The following PTPRJ variants were observed in gnomAD, a reference collection of about 807,000 sequenced individuals.
PTPRJ encodes the protein protein tyrosine phosphatase receptor type J.
In PTPRJ, 129 loss-of-function variants were observed where a neutral mutation model predicts 141.3. The observed-to-expected ratio is 0.91, with a 90% CI of 0.79 to 1.06. PTPRJ has a LOEUF of 1.06. Among genes scored for constraint, PTPRJ ranks in the 50% least tolerant of loss-of-function variants. The pLI is 0.00. For missense variants in PTPRJ, 1,601 were observed against 1,679.7 expected (o/e 0.95, Z 0.82); for synonymous variants, 610 against 640.5 (o/e 0.95, Z 0.72).
intron 18 of PTPRJ, among the ~76,000 whole-genome samples, chr11:48,152,456 A>G (rs1237465766): frequency 2.0e-5 from 3 of 151,548 alleles, no homozygotes; most frequent in Non-Finnish European, 4.4e-5. Flanking sequence ...GTTTAATTAG[A>G]TCCAATTTGT....
chr11:48,103,787 C>A (rs1006623782), intron 1 of PTPRJ, among the ~76,000 whole-genome samples: 16 of 152,182 alleles, frequency 1.1e-4, no homozygotes, highest in Admixed American at 7.2e-4. Context: ...AAACTTCTGG[C>A]CTGGGATTTC....
intron 15 of PTPRJ, among the ~76,000 whole-genome samples, chr11:48,147,725 G>T (rs2134372613): frequency 6.6e-6 from 1 of 152,352 alleles, no homozygotes; most frequent in South Asian, 2.1e-4. Context: ...GTAAGGTGCT[G>T]CCAACCAGGG....
At chr11:48,110,638 T>A (rs1856414699) in intron 2 of PTPRJ, among the ~76,000 whole-genome samples, 1 of 152,258 alleles carries the variant, frequency 6.6e-6, no homozygotes, top group African/African-American at 2.4e-5. Flanking sequence ...TTAACTTAGT[T>A]GAAATTGTAA....
intron 1 of PTPRJ, among the ~76,000 whole-genome samples, chr11:48,098,511 T>G (rs1856073004): frequency 2.1e-5 from 1 of 48,724 alleles, no homozygotes. Flanking sequence ...TCAAATCATT[T>G]TATCTCTTTT....
At chr11:48,004,924 A>G (rs1854584742) in intron 1 of PTPRJ, among the ~76,000 whole-genome samples, 1 of 152,156 alleles carries the variant, frequency 6.6e-6, no homozygotes, top group Non-Finnish European at 1.5e-5. Flanking sequence ...ATCCATTTAG[A>G]AAGTATACAG....
chr11:48,138,992 G>C (rs1857168817), intron 10 of PTPRJ, among the ~76,000 whole-genome samples: 1 of 152,136 alleles, frequency 6.6e-6, no homozygotes, highest in African/African-American at 2.4e-5. Flanking sequence ...AATCAACTGG[G>C]TATGGTGGTG....
In PTPRJ at chr11:48,018,137, T is replaced by G. The variant is rs546404812; in HGVS notation, c.96+37129T>G. Among the ~76,000 whole-genome samples the G allele has an allele frequency of 2.6e-4, 39 of 152,246 alleles. No homozygotes were observed. The Middle Eastern group carries it at 0.017, about 66-fold the overall frequency. On this transcript the variant is annotated intron_variant, in intron 1 of 24. Transcript: ENST00000418331. ...GTCATCCATAATCCTTCTAAGTAGCTTTATCATTTAATGTTTTAGTATATT... is the reference window on the plus strand; with the variant it reads ...GTCATCCATAATCCTTCTAAGTAGCGTTATCATTTAATGTTTTAGTATATT...
chr11:48,123,422 A>G (rs762038201), intron 4 of PTPRJ, among the ~76,000 whole-genome samples, 191 bp from the exon 5 acceptor site: 2 of 152,122 alleles, frequency 1.3e-5, no homozygotes, highest in Non-Finnish European at 2.9e-5. Flanking sequence ...CCTGCTGTGA[A>G]ATGATGGAAA....
At chr11:48,040,278 T>C (rs142197250) in intron 1 of PTPRJ, among the ~76,000 whole-genome samples, 3 of 152,376 alleles carry the variant, frequency 2.0e-5, no homozygotes, top group African/African-American at 4.8e-5. Context: ...CAGGATGCTG[T>C]GTGCGCGCAC....
chr11:48,001,349 AGTGT>A (rs57503257), intron 1 of PTPRJ, among the ~76,000 whole-genome samples: 1,849 of 134,692 alleles, frequency 0.014, 23 homozygotes, highest in African/African-American at 0.032. Flanking sequence ...ACAGCCCCAA[AGTGT>A]GTGTGTGTGT....
chr11:48,001,006 T>A (rs12285046), intron 1 of PTPRJ, among the ~76,000 whole-genome samples: 2,160 of 127,062 alleles, frequency 0.017, 70 homozygotes, highest in African/African-American at 0.065. Context: ...TTTTTTTTTT[T>A]AAATTTTGAG....
At chr11:48,098,374 C>A (rs879466106) in intron 1 of PTPRJ, among the ~76,000 whole-genome samples, 3 of 152,196 alleles carry the variant, frequency 2.0e-5, no homozygotes, top group Admixed American at 6.5e-5. Flanking sequence ...AAGGCTTATG[C>A]CGAGGCTCAC....
chr11:48,103,134 C>T (rs1362833408), intron 1 of PTPRJ, among the ~76,000 whole-genome samples: 1 of 152,174 alleles, frequency 6.6e-6, no homozygotes, highest in Admixed American at 6.5e-5. Flanking sequence ...GCAGCCTGTA[C>T]TCTCAAATTT....
intron 1 of PTPRJ, among the ~76,000 whole-genome samples, chr11:48,001,495 A>C (rs1359944782): frequency 6.6e-6 from 1 of 151,828 alleles, no homozygotes; most frequent in East Asian, 1.9e-4. Context: ...TCCTCTTACT[A>C]AGCTGTGTGA....
At chr11:48,122,806 C>T (rs1267596529) in intron 4 of PTPRJ, among the ~76,000 whole-genome samples, 1 of 152,212 alleles carries the variant, frequency 6.6e-6, no homozygotes, top group African/African-American at 2.4e-5. Flanking sequence ...GCCTTAGAAT[C>T]ATCTAGGCCG....
At chr11:48,064,540 G>A (rs1228936023) in intron 1 of PTPRJ, among the ~76,000 whole-genome samples, 1 of 152,154 alleles carries the variant, frequency 6.6e-6, no homozygotes, top group Non-Finnish European at 1.5e-5. Flanking sequence ...TCCTCAGCAT[G>A]TTTTCCTGCT....
intron 18 of PTPRJ, among the ~76,000 whole-genome samples, chr11:48,153,432 GCT>G (rs1857529482): frequency 6.7e-6 from 1 of 148,730 alleles, no homozygotes; most frequent in Admixed American, 6.7e-5. Context: ...TACTCGGGAG[GCT>G]GAGGCAGGAG....
chr11:48,091,856 C>A (rs1024461372), intron 1 of PTPRJ, among the ~76,000 whole-genome samples: 9 of 152,172 alleles, frequency 5.9e-5, no homozygotes, highest in African/African-American at 2.2e-4. Context: ...TTTTCTGGGG[C>A]CCAGAGTTTG....
chr11:48,124,346 C>A (rs760418305), intron 5 of PTPRJ, among the ~76,000 whole-genome samples: 2 of 152,176 alleles, frequency 1.3e-5, no homozygotes, highest in Non-Finnish European at 2.9e-5. Flanking sequence ...TCCTTGCTTG[C>A]GAGTGACAGA....
Sources: allele counts gnomAD v4.1 joint callset (sites outside exome capture counted in the v4.1 genomes callset), GRCh38; gene constraint gnomAD v4.1.1; transcripts MANE v1.5; gene names NCBI Gene and HGNC (gene_info 2026-07-23, HGNC 2026-07-21).